Variants in ATP2A3 observed in about 807,000 individuals in gnomAD.
The protein encoded by ATP2A3 is ATPase sarcoplasmic/endoplasmic reticulum Ca2+ transporting 3.
ATP2A3 carries 61 observed loss-of-function variants against 106.8 expected under a neutral mutation model. That is an observed-to-expected ratio of 0.57 (90% confidence interval 0.46 to 0.71). ATP2A3 has a LOEUF of 0.71. Among genes scored for constraint, ATP2A3 ranks in the 30% least tolerant of loss-of-function variants. The pLI, the probability that ATP2A3 is intolerant of heterozygous loss-of-function variation, is 0.00. For synonymous variants in ATP2A3, 611 were observed against 609.3 expected, an observed-to-expected ratio of 1.00 and a Z score of -0.04; for missense variants, 1,201 against 1,423.5, an observed-to-expected ratio of 0.84 and a Z score of 2.52.
In ATP2A3 at chr17:3,929,579, C is replaced by G; in HGVS notation, c.2745-134G>C. On this transcript the variant is annotated intron_variant, in intron 18 of 20. Coordinates refer to ENST00000397041, the MANE Select transcript of ATP2A3 (RefSeq NM_005173.4). This position sits in a 1 kb window ranked among gnomAD's most constrained non-coding sequence, Gnocchi z 4.3. ...GCCCGCTCGGCCTGCCAGGGCCTGTCCCGGGCTGGGACCCCTTTCTCTGCC... is the reference window on the plus strand; with the variant it reads ...GCCCGCTCGGCCTGCCAGGGCCTGTGCCGGGCTGGGACCCCTTTCTCTGCC... 1 of 757,412 alleles carries G rather than the reference C, an allele frequency of 1.3e-6. No individual in the cohort carries two copies. Among genetic ancestry groups the G allele is most frequent in the Non-Finnish European group, 2.1e-6 (1 of 465,492 alleles). The allele number at this position is 757,412 out of a possible 1,614,324, so 46.9% of individuals were successfully genotyped here.
rs1027579742 is a variant in ATP2A3 at position 3,955,037 on chromosome 17, A to G, written c.119-1327T>C. 1.3e-5 allele frequency among the ~76,000 whole-genome samples: 2 copies of G among 152,196 alleles called. No homozygotes were observed. Among genetic ancestry groups the G allele is most frequent in the African/African-American group, 2.4e-5 (1 of 41,458 alleles). On this transcript the variant is annotated intron_variant, in intron 1 of 20. Transcript: ENST00000397041. This position sits in a 1 kb window ranked among gnomAD's most constrained non-coding sequence, Gnocchi z 4.2. ...GAGAGGGGCGGGAGCCAGGCTCTGC[A>G]GGGTGGGCTTGGAGAAGCTCCCCCT...
In ATP2A3 at chr17:3,962,640, G is replaced by C. The variant is rs550983013; in HGVS notation, c.118+1534C>G. Among the ~76,000 whole-genome samples the C allele has an allele frequency of 3.9e-5, 6 of 152,286 alleles. No homozygotes were observed. In the South Asian group the frequency reaches 1.2e-3, roughly 32 times the overall value. On this transcript the variant is annotated intron_variant, in intron 1 of 20. Transcript: ENST00000397041. ...AAGGATCTCATCTAACCAAATAACA[G>C]GTGGGGAAGGCTGGGGCTCCCTCCC...
intron 1 of ATP2A3, among the ~76,000 whole-genome samples, chr17:3,954,617 C>T (rs2054658633): frequency 6.6e-6 from 1 of 151,850 alleles, no homozygotes; most frequent in Non-Finnish European, 1.5e-5. Context: ...CTGCCTTAGC[C>T]TCCTGAGTAG....
intron 1 of ATP2A3, among the ~76,000 whole-genome samples, chr17:3,957,272 C>T (rs1010274998): frequency 1.3e-5 from 2 of 152,182 alleles, no homozygotes; most frequent in South Asian, 2.1e-4. Context: ...ACTAGTTCAC[C>T]GTCACACAGC....
intron 3 of ATP2A3, 72 bp from the exon 4 acceptor site, chr17:3,951,757 C>G: frequency 7.1e-7 from 1 of 1,407,040 alleles, no homozygotes; most frequent in Non-Finnish European, 9.8e-7. Context: ...CTTGGCACCC[C>G]GGATCTCCTG....
At chr17:3,957,660 C>T (rs2054858716) in intron 1 of ATP2A3, among the ~76,000 whole-genome samples, 1 of 152,220 alleles carries the variant, frequency 6.6e-6, no homozygotes, top group Non-Finnish European at 1.5e-5. Context: ...TGGAGGGAGC[C>T]CAGGGCTGGG....
chr17:3,937,676 C>A (rs750723542), intron 14 of ATP2A3, 40 bp from the exon 15 acceptor site: 1 of 1,591,516 alleles, frequency 6.3e-7, no homozygotes, highest in Non-Finnish European at 8.6e-7. Context: ...TGAGAAACTT[C>A]CCTTCCACCT....
Position 3,942,746 on chromosome 17 carries a change from C to A in ATP2A3, c.1420-15G>T. The A allele has an allele frequency of 2.5e-6, 4 of 1,611,352 alleles. No individual in the cohort carries two copies. Among genetic ancestry groups the A allele is most frequent in the Non-Finnish European group, 3.4e-6 (4 of 1,179,650 alleles). ...TGCTTGATGACCTGCGGGGTCCAGG[C>A]AGGTCAGGGCATGAAGGACAGAGCC... On this transcript the variant is annotated splice_polypyrimidine_tract_variant and intron_variant, in intron 11 of 20. Transcript: ENST00000397041.
intron 1 of ATP2A3, among the ~76,000 whole-genome samples, chr17:3,957,386 C>T (rs2054844468): frequency 6.6e-6 from 1 of 152,190 alleles, no homozygotes; most frequent in Admixed American, 6.5e-5. Context: ...CCCTCCTCCA[C>T]TCTCTTTACC....
chr17:3,964,109 G>A, intron 1 of ATP2A3, 65 bp downstream of exon 1: 1 of 903,566 alleles, frequency 1.1e-6, no homozygotes, highest in Non-Finnish European at 1.4e-6. Context: ...GGAGGCAGGA[G>A]GGGAAACTGA....
intron 8 of ATP2A3, among the ~76,000 whole-genome samples, chr17:3,945,857 C>T (rs1432344504): frequency 1.3e-5 from 2 of 152,178 alleles, no homozygotes; most frequent in East Asian, 1.9e-4. Flanking sequence ...CCTTCCTTCC[C>T]GCTCTCCTCC....
Position 3,953,887 on chromosome 17 carries a change from G to C in ATP2A3, c.119-177C>G, listed in dbSNP as rs2054602807. On this transcript the variant is annotated intron_variant, in intron 1 of 20. Coordinates refer to ENST00000397041, the MANE Select transcript of ATP2A3 (RefSeq NM_005173.4). This position sits in a 1 kb window ranked among gnomAD's most constrained non-coding sequence, Gnocchi z 5.1. ...CAGGATAAATGGTTTGAGCCCAAAT[G>C]CTTCCACCCCTCTACCCTCCCCCGA... Among the ~76,000 whole-genome samples, 1 of 152,050 alleles carries C rather than the reference G, an allele frequency of 6.6e-6. No homozygotes were observed. The highest frequency in any genetic ancestry group is 1.5e-5 in the Non-Finnish European group (1 of 67,986).
At position 3,936,661 on chromosome 17, in the gene ATP2A3, TC is replaced by T; in HGVS notation, c.2322-193del. The stretch of plus-strand genomic sequence containing the variant: ...GCCTCGGGCCTGGCCAGTCCTGCCT[TC>T]CCCAGTCCCAGCTCTGGATCCTGGA... On this transcript the variant is annotated intron_variant, in intron 15 of 20. Transcript: ENST00000397041. This position sits in a 1 kb window ranked among gnomAD's most constrained non-coding sequence, Gnocchi z 5.4. The T allele has an allele frequency of 1.6e-6, 1 of 642,812 alleles. No individual in the cohort carries two copies. The highest frequency in any genetic ancestry group is 2.3e-5 in the Admixed American group (1 of 43,510). The allele number at this position is 642,812 out of a possible 1,614,324, so 39.8% of individuals were successfully genotyped here.
intron 10 of ATP2A3, among the ~76,000 whole-genome samples, chr17:3,943,960 A>C (rs529277269): frequency 6.6e-6 from 1 of 152,242 alleles, no homozygotes; most frequent in East Asian, 1.9e-4. Flanking sequence ...ACAGCCCCAG[A>C]CAGCACAAGA....
At chr17:3,939,339 C>T (rs1433963036) in intron 14 of ATP2A3, among the ~76,000 whole-genome samples, 1 of 151,914 alleles carries the variant, frequency 6.6e-6, no homozygotes, top group Non-Finnish European at 1.5e-5. Context: ...GGCTGGAGGT[C>T]AAGATTAAAA....
chr17:3,941,653 C>T lies in ATP2A3; in HGVS notation c.1547G>A (p.Gly516Glu), dbSNP rs2053786305. 1.2e-6 allele frequency: 2 copies of T among 1,606,276 alleles called. No individual in the cohort carries two copies. The highest frequency in any genetic ancestry group is 1.7e-6 in the Non-Finnish European group (2 of 1,179,918). The part of the protein sequence containing the change: ...TGQGSKMFVK[G>E]APESVIERCS... Reference sequence around the variant, plus strand: ...GCGCTCGATCACACTCTCAGGAGCCCCCTGCGAGGTGGGGAGAGGGAGAAG... The same window carrying T: ...GCGCTCGATCACACTCTCAGGAGCCTCCTGCGAGGTGGGGAGAGGGAGAAG... Residue 516 changes from glycine (G) to glutamate (E), a missense_variant and splice_region_variant, in exon 13 of 21, where the codon GGG (glycine) becomes GAG (glutamate). Physicochemically the swap from Gly to Glu is moderately conservative, Grantham distance 98 (BLOSUM62 -2). Around this residue, in one of 2 missense-constraint regions of ATP2A3, gnomAD observed 935 missense variants for 1,176.7 expected, o/e 0.79. Coordinates refer to ENST00000397041, the MANE Select transcript of ATP2A3 (RefSeq NM_005173.4).
Position 3,950,093 on chromosome 17 carries a change from C to T in ATP2A3, c.630+418G>A, listed in dbSNP as rs902944777. The stretch of plus-strand genomic sequence containing the variant: ...ACAAGAGTAGCTTGAACCTGGGGGG[C>T]GGGGGTTGCAGTGACCCGAGATCGT... On this transcript the variant is annotated intron_variant, in intron 7 of 20. Coordinates refer to ENST00000397041, the MANE Select transcript of ATP2A3 (RefSeq NM_005173.4). Among the ~76,000 whole-genome samples, 8 of 148,880 alleles carry T rather than the reference C, an allele frequency of 5.4e-5. No homozygotes were observed. In the East Asian group the frequency reaches 6.0e-4, roughly 11 times the overall value.
At chr17:3,944,841 G>T in intron 9 of ATP2A3, 35 bp from the exon 10 acceptor site, 1 of 1,578,792 alleles carries the variant, frequency 6.3e-7, no homozygotes, top group Non-Finnish European at 8.6e-7. Flanking sequence ...GAGGACCTCG[G>T]CTCCGCCCCC....
In ATP2A3 at chr17:3,925,332, A is replaced by T. The variant is rs2052642112; in HGVS notation, c.*90T>A. 6.2e-7 allele frequency: 1 copy of T among 1,608,906 alleles called. No homozygotes were observed. The highest frequency in any genetic ancestry group is 1.1e-5 in the South Asian group (1 of 90,774). ...GCGGGACCCGGTGGGCAAGTGGGCG[A>T]GTGTGGTGGCAAGGGTGGGGGGCGG... On this transcript the variant is annotated 3_prime_UTR_variant, in exon 21 of 21. Transcript: ENST00000397041. The surrounding 1 kb of genome is among the most constrained non-coding windows in gnomAD (Gnocchi z 4.2).
Sources: allele counts gnomAD v4.1 joint callset (sites outside exome capture counted in the v4.1 genomes callset), GRCh38; gene constraint gnomAD v4.1.1; regional missense constraint gnomAD v4.1.1; non-coding constraint Gnocchi (gnomAD v3.1); transcripts MANE v1.5; gene names NCBI Gene and HGNC (gene_info 2026-07-23, HGNC 2026-07-21).